The following IRAG1 variants were observed in gnomAD, a reference collection of about 807,000 sequenced individuals.
IRAG1 encodes the protein IP3R-associated cGMP kinase substrate.
Under a neutral mutation model 106.2 loss-of-function variants are expected in IRAG1, and 62 were observed. That is an observed-to-expected ratio of 0.58 (90% CI 0.48 to 0.72). IRAG1 has a LOEUF of 0.72. IRAG1 is among the 30% of genes least tolerant of loss of function. The pLI is 0.00. For missense variants in IRAG1, 1,064 were observed against 1,140.7 expected (o/e 0.93, Z 0.97); for synonymous variants, 462 against 443.9 (o/e 1.04, Z -0.51).
chr11:10,662,594 T>C (rs1402386438), intron 1 of IRAG1, among the ~76,000 whole-genome samples: 2 of 152,192 alleles, frequency 1.3e-5, no homozygotes, highest in East Asian at 1.9e-4. Flanking sequence ...CACCAGCCCC[T>C]CTGGCTCCGC....
At chr11:10,577,364 C>A (rs1850929890) in intron 20 of IRAG1, among the ~76,000 whole-genome samples, 1 of 152,056 alleles carries the variant, frequency 6.6e-6, no homozygotes, top group South Asian at 2.1e-4. Flanking sequence ...CCTCTTGATT[C>A]CTTCCCAACT....
Position 10,576,419 on chromosome 11 carries a change from C to T in IRAG1, c.2652G>A (p.Gly884=). 6.2e-7 allele frequency: 1 copy of T among 1,613,970 alleles called. No individual in the cohort carries two copies. The highest frequency in any genetic ancestry group is 8.5e-7 in the Non-Finnish European group (1 of 1,179,880). ...SYNSCAEQAD[G]PLGRSTCSAA... is the part of the protein sequence containing the mutation. Reference sequence around the variant, plus strand: ...CCGAGCAAGTGGATCTTCCAAGGGGCCCATCAGCCTGCTCTGCACAAGAGT... The same window carrying T: ...CCGAGCAAGTGGATCTTCCAAGGGGTCCATCAGCCTGCTCTGCACAAGAGT... The change falls in exon 21 of 21, where the codon GGG becomes GGA. Residue 884 remains glycine (G), a synonymous_variant. Transcript: ENST00000423302.
Position 10,604,454 on chromosome 11 carries a change from G to A in IRAG1, c.1694C>T (p.Thr565Ile). Residue 565 changes from threonine to isoleucine, a missense_variant, in exon 13 of 21, where the codon ACA becomes ATA. Coordinates refer to ENST00000423302, the MANE Select transcript of IRAG1 (RefSeq NM_130385.4). ...CAGTTCTTTCTCAGTGTTCTCCTCT[G>A]TCAGGTTGCGTTCCCTTTCAGCCTG... ...INQAERERNL[T>I]EENTEKELEN... The A allele has an allele frequency of 6.2e-7, 1 of 1,614,058 alleles. No homozygotes were observed.
At chr11:10,666,974 GC>G (rs1203754931) in intron 1 of IRAG1, among the ~76,000 whole-genome samples, 1 of 152,136 alleles carries the variant, frequency 6.6e-6, no homozygotes, top group Non-Finnish European at 1.5e-5. Flanking sequence ...TCCCAGGGTA[GC>G]CCCCAGGCTC....
At chr11:10,636,526 T>G (rs1220600780) in intron 2 of IRAG1, among the ~76,000 whole-genome samples, 1 of 152,242 alleles carries the variant, frequency 6.6e-6, no homozygotes, top group East Asian at 1.9e-4. Flanking sequence ...ATTAATGTTT[T>G]AAATAAATGT....
At chr11:10,633,279 G>T (rs1339394994) in intron 3 of IRAG1, among the ~76,000 whole-genome samples, 3 of 152,056 alleles carry the variant, frequency 2.0e-5, no homozygotes, top group Admixed American at 1.3e-4. Flanking sequence ...GTTTCACTGT[G>T]TTAGCCAGGA....
Position 10,598,385 on chromosome 11 carries a change from A to C in IRAG1, c.2017+2533T>G, listed in dbSNP as rs1356723652. On this transcript the variant is annotated intron_variant, in intron 15 of 20. Coordinates refer to ENST00000423302, the MANE Select transcript of IRAG1 (RefSeq NM_130385.4). ...ATTTCTAAGTGCTTGTGGTCAAAAG[A>C]TTTTCAAGTTTTCCAGTCAGCCAAA... Among the ~76,000 whole-genome samples, 3 of 152,364 alleles carry C rather than the reference A, an allele frequency of 2.0e-5. No individual in the cohort carries two copies. In the East Asian group the frequency reaches 5.8e-4, roughly 29 times the overall value.
At chr11:10,606,659 G>C in intron 12 of IRAG1, 83 bp downstream of exon 12, 1 of 1,383,140 alleles carries the variant, frequency 7.2e-7, no homozygotes, top group South Asian at 1.3e-5. Context: ...AAATGTCAGA[G>C]CTAGAGTCTG....
In IRAG1 at chr11:10,628,906, T is replaced by C. The variant is rs1167137444; in HGVS notation, c.575-78A>G. 4 of 1,374,604 alleles carry C rather than the reference T, an allele frequency of 2.9e-6. No individual in the cohort carries two copies. Among genetic ancestry groups the C allele is most frequent in the Non-Finnish European group, 4.0e-6 (4 of 1,001,426 alleles). The allele number at this position is 1,374,604 out of a possible 1,614,324, so 85.2% of individuals were successfully genotyped here. ...CCTGGCAAAGGCATCCTTTTAGGTA[T>C]TCCCAGGCCCTGGGAACTGGGTCTG... On this transcript the variant is annotated intron_variant, in intron 5 of 20. Transcript: ENST00000423302. This position sits in a 1 kb window ranked among gnomAD's most constrained non-coding sequence, Gnocchi z 4.1.
chr11:10,587,743 C>T (rs897629298), intron 18 of IRAG1, among the ~76,000 whole-genome samples: 9 of 152,230 alleles, frequency 5.9e-5, no homozygotes, highest in Admixed American at 2.6e-4. Flanking sequence ...CTCACCCCGA[C>T]TCTGTTCTCC....
At chr11:10,604,643 CT>C in intron 12 of IRAG1, 98 bp from the exon 13 acceptor site, 1 of 1,422,600 alleles carries the variant, frequency 7.0e-7, no homozygotes, top group South Asian at 1.2e-5. Flanking sequence ...GCAACGGCCC[CT>C]GGAACAGCCG....
At chr11:10,626,998 C>T (rs990575881) in intron 8 of IRAG1, among the ~76,000 whole-genome samples, 2 of 152,174 alleles carry the variant, frequency 1.3e-5, no homozygotes, top group East Asian at 3.9e-4. Flanking sequence ...AAAACATCCA[C>T]AGCTTTCAAC....
intron 14 of IRAG1, 123 bp downstream of exon 14, chr11:10,602,997 T>C (rs990866337): frequency 2.8e-5 from 31 of 1,107,188 alleles, no homozygotes; most frequent in Non-Finnish European, 3.3e-5. Context: ...ATGATGTGCA[T>C]AGGATGCCTG....
At chr11:10,654,543 C>T (rs1230033794) in intron 1 of IRAG1, among the ~76,000 whole-genome samples, 1 of 152,198 alleles carries the variant, frequency 6.6e-6, no homozygotes, top group African/African-American at 2.4e-5. Context: ...CAAAATTTTA[C>T]ACCTACTCTA....
chr11:10,687,753 T>G lies in IRAG1; in HGVS notation c.67+5783A>C, dbSNP rs948415669. The G allele has an allele frequency of 4.7e-6, 6 of 1,288,950 alleles. No individual in the cohort carries two copies. In the Admixed American group the frequency reaches 1.4e-4, roughly 30 times the overall value. 79.8% of individuals were successfully genotyped at this position (1,288,950 alleles called of 1,614,324 possible). A position where few individuals can be genotyped will look rare whatever the true frequency, so the allele number is the denominator to read the frequency against. On this transcript the variant is annotated intron_variant, in intron 1 of 20. Coordinates refer to ENST00000423302, the MANE Select transcript of IRAG1 (RefSeq NM_130385.4). ...TGGATGGTCAGAGCCTCAAACCCAG[T>G]GCAGAAGTCTTCTTGATGGAATCTC...
chr11:10,693,073 GC>G (rs1862185329), intron 1 of IRAG1, among the ~76,000 whole-genome samples: 2 of 152,234 alleles, frequency 1.3e-5, no homozygotes, highest in Non-Finnish European at 2.9e-5. Context: ...ATAGAGGCAG[GC>G]TTAAGGATCT....
chr11:10,609,689 T>TG, intron 11 of IRAG1, 39 bp downstream of exon 11: 1 of 1,570,860 alleles, frequency 6.4e-7, no homozygotes. Flanking sequence ...CAGGGGCCAC[T>TG]CGGTACAGGG....
intron 1 of IRAG1, chr11:10,687,367 G>A (rs2135257213): frequency 6.0e-6 from 1 of 165,412 alleles, no homozygotes; most frequent in South Asian, 1.6e-4. Context: ...TGTTTCTCTA[G>A]GGAATTAGCT....
chr11:10,616,992 A>T, intron 10 of IRAG1: 1 of 982,312 alleles, frequency 1.0e-6, no homozygotes, highest in Non-Finnish European at 1.2e-6. Flanking sequence ...GAGTCCCAGG[A>T]TGGTTCCTAA....
Sources: allele counts gnomAD v4.1 joint callset (sites outside exome capture counted in the v4.1 genomes callset), GRCh38; gene constraint gnomAD v4.1.1; non-coding constraint Gnocchi (gnomAD v3.1); transcripts MANE v1.5; gene names NCBI Gene and HGNC (gene_info 2026-07-23, HGNC 2026-07-21).